The following BLTP1 variants were observed in gnomAD, a reference collection of about 807,000 sequenced individuals.
BLTP1 encodes the protein bridge-like lipid transfer protein family member 1.
the BLTP1 span, among the ~76,000 whole-genome samples, chr4:122,352,313 G>A: frequency 6.8e-6 from 1 of 147,464 alleles, no homozygotes; most frequent in East Asian, 2.0e-4. Flanking sequence ...CAAGTACTTT[G>A]TAACTCATTA....
At chr4:122,265,059 AC>A in the BLTP1 span, among the ~76,000 whole-genome samples, 3 of 152,122 alleles carry the variant, frequency 2.0e-5, no homozygotes, top group Non-Finnish European at 2.9e-5. Flanking sequence ...TGAGAGTGGG[AC>A]GTGGGTGAGA....
chr4:122,344,980 A>T, the BLTP1 span: 2 of 984,592 alleles, frequency 2.0e-6, no homozygotes, highest in Non-Finnish European at 2.4e-6. Flanking sequence ...ATAAACATCT[A>T]TATAACTATG....
the BLTP1 span, chr4:122,327,951 T>C: frequency 2.0e-6 from 1 of 497,214 alleles, no homozygotes; most frequent in African/African-American, 2.0e-5. Flanking sequence ...TTCCTTGGTG[T>C]ACTATTTCAT....
the BLTP1 span, chr4:122,356,737 C>G: frequency 6.2e-7 from 1 of 1,610,972 alleles, no homozygotes; most frequent in Non-Finnish European, 8.5e-7. Flanking sequence ...ATCAGCTTAT[C>G]TTAAAGAAAA....
chr4:122,340,747 T>C, the BLTP1 span: 4 of 984,920 alleles, frequency 4.1e-6, no homozygotes, highest in Non-Finnish European at 4.8e-6. Flanking sequence ...TGGAGTTGTG[T>C]TGTCAACAAA....
At chr4:122,247,694 T>C in the BLTP1 span, 1 of 1,040,874 alleles carries the variant, frequency 9.6e-7, no homozygotes, top group Non-Finnish European at 1.2e-6. Context: ...GTCTTTCTTA[T>C]TTTTTAAGTC....
the BLTP1 span, chr4:122,234,689 TTTAA>T: frequency 6.1e-5 from 82 of 1,340,516 alleles, no homozygotes; most frequent in Middle Eastern, 2.1e-3. Flanking sequence ...TTAACTTATA[TTTAA>T]TTATCTATCA....
the BLTP1 span, chr4:122,300,976 G>T: frequency 6.0e-5 from 59 of 981,766 alleles, no homozygotes; most frequent in Non-Finnish European, 6.6e-5. Context: ...CTCTGCAACA[G>T]AATTCACATT....
At chr4:122,336,726 C>A in the BLTP1 span, 1 of 863,834 alleles carries the variant, frequency 1.2e-6, no homozygotes, top group Non-Finnish European at 1.4e-6. Context: ...GCAAGAGGTG[C>A]GAACAGGGAA....
the BLTP1 span, among the ~76,000 whole-genome samples, chr4:122,355,161 T>C: frequency 6.6e-6 from 1 of 152,172 alleles, no homozygotes; most frequent in African/African-American, 2.4e-5. Context: ...GGGGGATCTT[T>C]ATGGCTGGAG....
chr4:122,205,851 T>C, the BLTP1 span: 3 of 429,928 alleles, frequency 7.0e-6, no homozygotes, highest in Non-Finnish European at 9.3e-6. Context: ...TTGTGTTATG[T>C]ACTGTGAGTA....
chr4:122,294,288 C>G, the BLTP1 span, among the ~76,000 whole-genome samples: 1 of 152,210 alleles, frequency 6.6e-6, no homozygotes, highest in African/African-American at 2.4e-5. Flanking sequence ...GGTCCTTGAC[C>G]CCATTCTGCC....
At chr4:122,309,694 G>A in the BLTP1 span, among the ~76,000 whole-genome samples, 2 of 151,976 alleles carry the variant, frequency 1.3e-5, no homozygotes, top group Admixed American at 1.3e-4. Context: ...ACATTTGAAT[G>A]TTTACACAGT....
chr4:122,231,402 G>C, the BLTP1 span, among the ~76,000 whole-genome samples: 1 of 151,438 alleles, frequency 6.6e-6, no homozygotes, highest in Admixed American at 6.6e-5. Flanking sequence ...TTTGTTAGCT[G>C]TTTCGATTTC....
At chr4:122,269,199 A>G in the BLTP1 span, 14 of 394,550 alleles carry the variant, frequency 3.5e-5, no homozygotes, top group Admixed American at 1.3e-4. Context: ...CATACAGTCT[A>G]TGTTTTCATA....
At chr4:122,185,429 A>G in the BLTP1 span, 2 of 985,198 alleles carry the variant, frequency 2.0e-6, no homozygotes, top group Non-Finnish European at 2.4e-6. Context: ...GCATTGTTTT[A>G]GATTATTTCC....
the BLTP1 span, chr4:122,254,910 G>T: frequency 6.2e-7 from 1 of 1,613,778 alleles, no homozygotes; most frequent in Non-Finnish European, 8.5e-7. Context: ...AGGGAACCTT[G>T]AGAATTTGTG....
the BLTP1 span, chr4:122,156,126 A>T: frequency 4.8e-6 from 1 of 210,098 alleles, no homozygotes; most frequent in East Asian, 1.8e-4. Flanking sequence ...AGATGAGTTC[A>T]GTTTGGTCCA....
chr4:122,342,417 G>GC, the BLTP1 span, among the ~76,000 whole-genome samples: 5 of 151,726 alleles, frequency 3.3e-5, no homozygotes, highest in African/African-American at 1.2e-4. Context: ...GTGTAGTGGC[G>GC]CCATCTCAGC....
Sources: allele counts gnomAD v4.1 joint callset (sites outside exome capture counted in the v4.1 genomes callset), GRCh38; gene constraint gnomAD v4.1.1; transcripts MANE v1.5; gene names NCBI Gene and HGNC (gene_info 2026-07-23, HGNC 2026-07-21).